Variants in PTPRG observed in about 807,000 individuals in gnomAD.
PTPRG encodes the protein protein tyrosine phosphatase receptor type G.
A neutral mutation model predicts 165.3 loss-of-function variants in PTPRG; 102 were observed. That is an observed-to-expected ratio of 0.62 (90% CI 0.53 to 0.73). The LOEUF (loss-of-function observed/expected upper bound fraction) is 0.73. PTPRG is among the 30% of genes least tolerant of loss of function. The pLI is 0.00. For synonymous variants in PTPRG, 675 were observed against 669.5 expected (o/e 1.01, Z -0.13); for missense variants, 1,866 against 1,861.4 (o/e 1.00, Z -0.05).
At chr3:61,656,776 C>A (rs1031992168) in intron 1 of PTPRG, among the ~76,000 whole-genome samples, 2 of 152,188 alleles carry the variant, frequency 1.3e-5, no homozygotes, top group Admixed American at 1.3e-4. Context: ...TCTGGACTCA[C>A]ATCCTTTAGT....
At chr3:61,598,804 C>T (rs1207007301) in intron 1 of PTPRG, among the ~76,000 whole-genome samples, 1 of 152,066 alleles carries the variant, frequency 6.6e-6, no homozygotes, top group Non-Finnish European at 1.5e-5. Flanking sequence ...TCCGTGCCCT[C>T]CCCTAGCTTC....
intron 2 of PTPRG, among the ~76,000 whole-genome samples, chr3:61,772,558 C>G (rs1346566375): frequency 6.6e-6 from 1 of 152,034 alleles, no homozygotes; most frequent in African/African-American, 2.4e-5. Flanking sequence ...TGATTATAAT[C>G]TTTGTACATA....
intron 6 of PTPRG, among the ~76,000 whole-genome samples, chr3:62,139,610 C>A (rs1372425851): frequency 6.6e-6 from 1 of 152,208 alleles, no homozygotes. Flanking sequence ...TAAGTTATCA[C>A]CTGAGAACTC....
At chr3:61,749,447 A>G in intron 2 of PTPRG, 1 of 270,966 alleles carries the variant, frequency 3.7e-6, no homozygotes, top group Middle Eastern at 1.3e-3. Flanking sequence ...TTCTTTGAAT[A>G]TATTTTAGCT....
chr3:61,785,238 GATATAC>G (rs1288599350), intron 2 of PTPRG, among the ~76,000 whole-genome samples: 1 of 152,156 alleles, frequency 6.6e-6, no homozygotes, highest in Non-Finnish European at 1.5e-5. Flanking sequence ...CAATTCAGGA[GATATAC>G]ATACTTTTTA....
chr3:62,055,285 T>G (rs1700596482), intron 4 of PTPRG, among the ~76,000 whole-genome samples: 1 of 152,210 alleles, frequency 6.6e-6, no homozygotes, highest in Non-Finnish European at 1.5e-5. Context: ...TGTTTTGGAT[T>G]AAAATTGCAA....
At chr3:62,015,712 G>A (rs2041528144) in intron 4 of PTPRG, among the ~76,000 whole-genome samples, 1 of 152,086 alleles carries the variant, frequency 6.6e-6, no homozygotes, top group African/African-American at 2.4e-5. Flanking sequence ...GGTGCTGAGA[G>A]CCAGGCTAGG....
chr3:61,871,820 C>T (rs141855624), intron 2 of PTPRG, among the ~76,000 whole-genome samples: 1,685 of 152,242 alleles, frequency 0.011, 33 homozygotes, highest in African/African-American at 0.038. Flanking sequence ...GCTTGCCTTC[C>T]CTTTTGAAGG....
intron 4 of PTPRG, among the ~76,000 whole-genome samples, chr3:62,060,612 T>C (rs951855447): frequency 1.3e-5 from 2 of 152,236 alleles, no homozygotes; most frequent in Non-Finnish European, 2.9e-5. Context: ...CTTGTCATCC[T>C]GTGCTATGTG....
chr3:61,728,151 C>G (rs769817172), intron 1 of PTPRG, among the ~76,000 whole-genome samples: 3 of 152,222 alleles, frequency 2.0e-5, no homozygotes, highest in African/African-American at 4.8e-5. Flanking sequence ...GAGTGAATTA[C>G]AGAGTCCCAT....
chr3:61,803,403 C>T (rs2035306948), intron 2 of PTPRG, among the ~76,000 whole-genome samples: 1 of 143,652 alleles, frequency 7.0e-6, no homozygotes, highest in Non-Finnish European at 1.5e-5. Flanking sequence ...AAGCCCATCC[C>T]ATTTCTTACT....
intron 3 of PTPRG, among the ~76,000 whole-genome samples, chr3:61,992,918 C>T (rs1303532940): frequency 1.3e-5 from 2 of 152,204 alleles, no homozygotes; most frequent in African/African-American, 4.8e-5. Flanking sequence ...CTGCCTGCCT[C>T]AGCCTCCCAA....
intron 8 of PTPRG, among the ~76,000 whole-genome samples, chr3:62,187,919 T>C (rs4688289): frequency 0.93 from 142,041 of 152,242 alleles, 67,001 homozygotes; most frequent in East Asian, 1. Context: ...CAGGTGATCC[T>C]GTTAGAGCGA....
At chr3:61,869,649 G>A (rs985212322) in intron 2 of PTPRG, among the ~76,000 whole-genome samples, 4 of 151,930 alleles carry the variant, frequency 2.6e-5, no homozygotes, top group Admixed American at 6.6e-5. Context: ...TGCATTCATG[G>A]CTTACTGCAG....
rs552625373 is a variant in PTPRG, at chr3:62,219,585, G to C, written c.2288+602G>C. On this transcript the variant is annotated intron_variant, in intron 13 of 29. Coordinates refer to ENST00000474889, the MANE Select transcript of PTPRG (RefSeq NM_002841.4). The surrounding 1 kb of genome is among the most constrained non-coding windows in gnomAD (Gnocchi z 4.5). ...TTTAGAAGTTGTGTTTTTTCAGCCGGACCGTCTCAGCCAGCTCAGCTGAGC... is the reference window on the plus strand; with the variant it reads ...TTTAGAAGTTGTGTTTTTTCAGCCGCACCGTCTCAGCCAGCTCAGCTGAGC... Among the ~76,000 whole-genome samples, 47 of 152,202 alleles carry C rather than the reference G, an allele frequency of 3.1e-4. No individual in the cohort carries two copies. Among genetic ancestry groups the C allele is most frequent in the Non-Finnish European group, 4.8e-4 (33 of 68,044 alleles).
intron 10 of PTPRG, among the ~76,000 whole-genome samples, chr3:62,200,801 C>T (rs1308090407): frequency 6.6e-5 from 10 of 151,972 alleles, no homozygotes; most frequent in Non-Finnish European, 8.8e-5. Context: ...TATAACAGTA[C>T]ACAAAAGGTA....
intron 2 of PTPRG, among the ~76,000 whole-genome samples, chr3:61,815,464 G>C (rs945039644): frequency 6.6e-6 from 1 of 152,008 alleles, no homozygotes; most frequent in Non-Finnish European, 1.5e-5. Context: ...GTCTTGATTG[G>C]CTTTAACCCT....
intron 4 of PTPRG, among the ~76,000 whole-genome samples, chr3:62,057,364 A>T (rs1700666879): frequency 6.6e-6 from 1 of 152,208 alleles, no homozygotes; most frequent in South Asian, 2.1e-4. Flanking sequence ...GTCCAGGAAG[A>T]TGGAGAAGTA....
At chr3:61,671,841 G>A (rs1379612841) in intron 1 of PTPRG, among the ~76,000 whole-genome samples, 8 of 143,242 alleles carry the variant, frequency 5.6e-5, no homozygotes, top group East Asian at 2.1e-4. Context: ...CAGTAGGGGC[G>A]GCCGGGCAGA....
Sources: gnomAD v4.1 joint callset for allele counts (sites outside exome capture counted in the v4.1 genomes callset) on GRCh38, gnomAD v4.1.1 for gene constraint, Gnocchi (gnomAD v3.1) non-coding constraint, MANE v1.5 for transcripts, NCBI Gene and HGNC (gene_info 2026-07-23, HGNC 2026-07-21) for gene names.